Variants in CCDC171 observed in about 807,000 individuals in gnomAD.
CCDC171 encodes the protein coiled-coil domain containing 171.
In CCDC171, 177 loss-of-function variants were observed where a neutral mutation model predicts 168.2. The ratio of observed to expected loss-of-function variants is 1.05; its 90% confidence interval spans 0.93 to 1.19. CCDC171 has a LOEUF of 1.19. Among genes scored for constraint, CCDC171 ranks in the 50% most tolerant of loss-of-function variants. The probability of loss-of-function intolerance (pLI) is 0.00; values close to 1 mark genes in which losing one functional copy is unlikely to be tolerated. For missense variants in CCDC171, 1,991 were observed against 1,539.0 expected (o/e 1.29, Z -4.91); for synonymous variants, 687 against 540.8 (o/e 1.27, Z -3.75).
intron 6 of CCDC171, among the ~76,000 whole-genome samples, chr9:15,608,833 C>A (rs1205336858): frequency 6.8e-6 from 1 of 146,790 alleles, no homozygotes; most frequent in African/African-American, 2.5e-5. Context: ...TGGCATATAC[C>A]TGTGATCCTG....
chr9:15,652,426 C>T (rs2047596782), intron 7 of CCDC171, among the ~76,000 whole-genome samples: 1 of 151,740 alleles, frequency 6.6e-6, no homozygotes, highest in Non-Finnish European at 1.5e-5. Context: ...TTTGCTGGTA[C>T]CACATTGTTT....
intron 3 of CCDC171, among the ~76,000 whole-genome samples, chr9:16,000,087 G>A (rs554741085): frequency 6.6e-6 from 1 of 152,274 alleles, no homozygotes; most frequent in Non-Finnish European, 1.5e-5. Flanking sequence ...TTTTTTAACT[G>A]GATGCTGTAG....
At chr9:16,095,227 T>A in the CCDC171 span, among the ~76,000 whole-genome samples, 1 of 152,288 alleles carries the variant, frequency 6.6e-6, no homozygotes, top group East Asian at 1.9e-4. Context: ...TCAGGAGCAG[T>A]TGTGCCTCTT....
chr9:15,579,462 AGTGTGGTGCCTGG>A (rs2040941569), intron 4 of CCDC171, among the ~76,000 whole-genome samples: 1 of 152,198 alleles, frequency 6.6e-6, no homozygotes, highest in Non-Finnish European at 1.5e-5. Flanking sequence ...ACTGGGCTAG[AGTGTGGTGCCTGG>A]AAAAGAAAAA....
At chr9:15,589,661 G>C (rs1164301924) in intron 4 of CCDC171, among the ~76,000 whole-genome samples, 1 of 152,096 alleles carries the variant, frequency 6.6e-6, no homozygotes. Flanking sequence ...TACCATTATT[G>C]TTTGTGAAAA....
At chr9:15,860,011 G>T (rs904367637) in intron 23 of CCDC171, among the ~76,000 whole-genome samples, 1 of 150,824 alleles carries the variant, frequency 6.6e-6, no homozygotes. Context: ...ATTCAGTCTT[G>T]TTAGGTTGCA....
chr9:15,671,937 C>A (rs2049146078), intron 9 of CCDC171, among the ~76,000 whole-genome samples: 1 of 152,190 alleles, frequency 6.6e-6, no homozygotes, highest in Non-Finnish European at 1.5e-5. Flanking sequence ...CACTGTCTTC[C>A]ACAATGGTTG....
intron 21 of CCDC171, among the ~76,000 whole-genome samples, chr9:15,810,164 A>G (rs1424878174): frequency 6.6e-6 from 1 of 151,944 alleles, no homozygotes; most frequent in Admixed American, 6.6e-5. Context: ...TCCTCTAGCT[A>G]GACACAAAGT....
intron 6 of CCDC171, among the ~76,000 whole-genome samples, chr9:15,621,541 T>C (rs1035509451): frequency 1.3e-5 from 2 of 152,116 alleles, no homozygotes; most frequent in African/African-American, 4.8e-5. Flanking sequence ...AATAGTAATC[T>C]TATGAATAAG....
chr9:15,849,993 T>C (rs889429933), intron 23 of CCDC171, among the ~76,000 whole-genome samples: 2 of 151,892 alleles, frequency 1.3e-5, no homozygotes, highest in Non-Finnish European at 2.9e-5. Context: ...TTCTTTGAAA[T>C]TATTATTTCT....
At chr9:15,898,090 C>G (rs1442261506) in intron 24 of CCDC171, among the ~76,000 whole-genome samples, 10 of 152,138 alleles carry the variant, frequency 6.6e-5, no homozygotes, top group African/African-American at 2.4e-4. Flanking sequence ...AGAAAAAATA[C>G]GCAAAGCTTA....
chr9:15,711,229 G>T (rs2052639604), intron 11 of CCDC171, among the ~76,000 whole-genome samples: 1 of 152,174 alleles, frequency 6.6e-6, no homozygotes, highest in Non-Finnish European at 1.5e-5. Context: ...ACTATCCACA[G>T]ATTGGACAGT....
chr9:15,669,625 TAA>T (rs1189775715), intron 9 of CCDC171, among the ~76,000 whole-genome samples: 1 of 152,132 alleles, frequency 6.6e-6, no homozygotes, highest in African/African-American at 2.4e-5. Context: ...TCAAATATAG[TAA>T]AGTCTTCATT....
At chr9:15,580,519 A>G (rs906456572) in intron 4 of CCDC171, among the ~76,000 whole-genome samples, 28 of 152,284 alleles carry the variant, frequency 1.8e-4, no homozygotes, top group African/African-American at 5.5e-4. Flanking sequence ...TCTATGAGGA[A>G]CTCAAATCAG....
intron 7 of CCDC171, among the ~76,000 whole-genome samples, chr9:15,625,510 G>A (rs560800805): frequency 5.3e-5 from 8 of 152,276 alleles, no homozygotes; most frequent in African/African-American, 1.4e-4. Flanking sequence ...GTAAGGAAGG[G>A]ATCCAGTTTC....
intron 7 of CCDC171, among the ~76,000 whole-genome samples, chr9:15,656,336 ACAAAT>A (rs1257358090): frequency 6.6e-6 from 1 of 152,088 alleles, no homozygotes; most frequent in African/African-American, 2.4e-5. Context: ...AAAAAAAAAA[ACAAAT>A]CAATATGTAC....
chr9:16,067,657 A>T, the CCDC171 span, among the ~76,000 whole-genome samples: 1 of 152,154 alleles, frequency 6.6e-6, no homozygotes, highest in Non-Finnish European at 1.5e-5. Flanking sequence ...TAAGGAAGGG[A>T]TCCAGTTTCA....
At chr9:15,803,166 G>A (rs1040244744) in intron 21 of CCDC171, among the ~76,000 whole-genome samples, 5 of 152,062 alleles carry the variant, frequency 3.3e-5, no homozygotes, top group African/African-American at 7.2e-5. Context: ...TTAGACCTTT[G>A]TCAGATGCAT....
At chr9:15,903,563 C>T (rs1641017857) in intron 24 of CCDC171, among the ~76,000 whole-genome samples, 1 of 152,134 alleles carries the variant, frequency 6.6e-6, no homozygotes, top group African/African-American at 2.4e-5. Context: ...GTAGATAAAA[C>T]CACAAAGATG....
Sources: gnomAD v4.1 joint callset for allele counts (sites outside exome capture counted in the v4.1 genomes callset) on GRCh38, gnomAD v4.1.1 for gene constraint, MANE v1.5 for transcripts, NCBI Gene and HGNC (gene_info 2026-07-23, HGNC 2026-07-21) for gene names.